Variants in PPP2R2B observed in about 807,000 individuals in gnomAD.
PPP2R2B encodes serine/threonine-protein phosphatase 2A 55 kDa regulatory subunit B beta isoform.
In PPP2R2B, 5 loss-of-function variants were observed where a neutral mutation model predicts 46.0. The observed-to-expected ratio is 0.11, with a 90% CI of 0.06 to 0.23. The LOEUF (loss-of-function observed/expected upper bound fraction) is 0.23, where lower values mean the gene tolerates loss of function less well. Among genes scored for constraint, PPP2R2B ranks in the 10% least tolerant of loss-of-function variants. The pLI is 1.00. For missense variants in PPP2R2B, 367 were observed against 575.0 expected (o/e 0.64, Z 3.70); for synonymous variants, 215 against 206.7 (o/e 1.04, Z -0.34).
chr5:146,941,383 G>T (rs376304933), intron 1 of PPP2R2B, among the ~76,000 whole-genome samples: 3 of 152,264 alleles, frequency 2.0e-5, no homozygotes, highest in African/African-American at 7.2e-5. Context: ...TGAAAATTAT[G>T]ACAAACCGGC....
chr5:146,848,854 CT>C (rs1760168152), intron 2 of PPP2R2B, among the ~76,000 whole-genome samples: 1 of 148,682 alleles, frequency 6.7e-6, no homozygotes, highest in East Asian at 1.9e-4. Flanking sequence ...TTTTCTCCTC[CT>C]CTCCTATTTA....
At chr5:146,775,760 A>G (rs1755144416) in intron 2 of PPP2R2B, among the ~76,000 whole-genome samples, 1 of 152,170 alleles carries the variant, frequency 6.6e-6, no homozygotes. Flanking sequence ...AATCTGTCAT[A>G]GCTAATAAAA....
At chr5:146,672,804 C>T (rs1440412135) in intron 5 of PPP2R2B, among the ~76,000 whole-genome samples, 6 of 152,096 alleles carry the variant, frequency 3.9e-5, no homozygotes, top group South Asian at 2.1e-4. Flanking sequence ...CAACTCTCTC[C>T]GACGATTTAT....
rs568503746 is a variant in PPP2R2B, at chr5:146,761,938, T to C, written c.71-60796A>G. On this transcript the variant is annotated intron_variant, in intron 2 of 9. Coordinates refer to ENST00000394411, the MANE Select transcript of PPP2R2B (RefSeq NM_181675.4). ...AAACCGCATTGAGCTCTCTGCAGAGTGTATGTGGGAATGATGGCAGAGAAG... is the reference window on the plus strand; with the variant it reads ...AAACCGCATTGAGCTCTCTGCAGAGCGTATGTGGGAATGATGGCAGAGAAG... 2.3e-4 allele frequency among the ~76,000 whole-genome samples: 35 copies of C among 151,864 alleles called. No individual in the cohort carries two copies. The South Asian group carries it at 7.1e-3, about 31-fold the overall frequency.
intron 1 of PPP2R2B, among the ~76,000 whole-genome samples, chr5:147,039,452 CG>C (rs915661010): frequency 1.3e-5 from 2 of 152,038 alleles, no homozygotes; most frequent in Non-Finnish European, 2.9e-5. Flanking sequence ...AGATAGATCC[CG>C]GGGGGCTCTA....
chr5:146,968,323 T>C (rs1752527706), intron 1 of PPP2R2B, among the ~76,000 whole-genome samples: 1 of 152,200 alleles, frequency 6.6e-6, no homozygotes, highest in Non-Finnish European at 1.5e-5. Flanking sequence ...TATGTACTTG[T>C]AAATTGACAA....
intron 1 of PPP2R2B, among the ~76,000 whole-genome samples, chr5:146,956,857 T>G (rs1190598950): frequency 6.6e-6 from 1 of 152,154 alleles, no homozygotes; most frequent in Non-Finnish European, 1.5e-5. Context: ...CTTTACATGG[T>G]GGAAAGAGCA....
At chr5:146,628,726 A>G (rs1774224742) in intron 7 of PPP2R2B, among the ~76,000 whole-genome samples, 2 of 152,188 alleles carry the variant, frequency 1.3e-5, no homozygotes, top group South Asian at 4.1e-4. Context: ...TGTACTGGGA[A>G]CCTACTATGT....
In PPP2R2B at chr5:146,988,974, C is replaced by T. The variant is rs142528788; in HGVS notation, c.79+66691G>A. ...GATCATAAGAAACTACTATGAACAACTACACGTAAATAAATTGGTAAACCT... is the reference window on the plus strand; with the variant it reads ...GATCATAAGAAACTACTATGAACAATTACACGTAAATAAATTGGTAAACCT... On this transcript the variant is annotated intron_variant, in intron 1 of 8. Coordinates refer to the PPP2R2B transcript ENST00000336640. Among the ~76,000 whole-genome samples the T allele has an allele frequency of 2.0e-5, 3 of 152,022 alleles. No individual in the cohort carries two copies. In the East Asian group the frequency reaches 5.8e-4, roughly 29 times the overall value.
chr5:147,065,631 CA>C (rs893150963), intron 2 of PPP2R2B, among the ~76,000 whole-genome samples: 1 of 151,874 alleles, frequency 6.6e-6, no homozygotes, highest in Non-Finnish European at 1.5e-5. Context: ...AAGATAGTGG[CA>C]ATGGGGTTGG....
intron 2 of PPP2R2B, among the ~76,000 whole-genome samples, chr5:146,748,078 G>A (rs1582012869): frequency 6.6e-6 from 1 of 152,154 alleles, no homozygotes; most frequent in African/African-American, 2.4e-5. Context: ...AAGCTCTTAA[G>A]CATTGTAACT....
Position 146,932,821 on chromosome 5 carries a change from G to C in PPP2R2B, c.79+122844C>G, listed in dbSNP as rs148879527. On this transcript the variant is annotated intron_variant, in intron 1 of 8. Transcript: ENST00000336640. ...ACAAGGTCAAAGAGCAGTGAGAAAA[G>C]GAAAACTAACCACCTAGTATATGCA... 5.3e-3 allele frequency among the ~76,000 whole-genome samples: 802 copies of C among 152,208 alleles called. 1 individual carries two copies. Among genetic ancestry groups the C allele is most frequent in the Non-Finnish European group, 8.5e-3 (577 of 68,012 alleles).
intron 1 of PPP2R2B, among the ~76,000 whole-genome samples, chr5:146,933,031 G>A (rs966074205): frequency 6.6e-6 from 1 of 152,132 alleles, no homozygotes; most frequent in African/African-American, 2.4e-5. Context: ...AAATATTCAC[G>A]TGGGAATTAT....
rs1770420169 is a variant in PPP2R2B at position 146,589,835 on chromosome 5, T to TCCTGTATAGGGAAATTAA, written c.*94_*111dup. 1 of 1,117,312 alleles carries TCCTGTATAGGGAAATTAA rather than the reference T, an allele frequency of 9.0e-7. No individual in the cohort carries two copies. The highest frequency in any genetic ancestry group is 1.6e-5 in the African/African-American group (1 of 64,142). 69.2% of individuals were successfully genotyped at this position (1,117,312 alleles called of 1,614,324 possible). On this transcript the variant is annotated 3_prime_UTR_variant, in exon 10 of 10. Transcript: ENST00000394411. The stretch of plus-strand genomic sequence containing the variant: ...TCCTTTTAATTCTATTCCAATCATT[T>TCCTGTATAGGGAAATTAA]CCTGTATAGGGAAATTAAAGTCAAT...
chr5:146,697,951 G>GA (rs1251429963), intron 4 of PPP2R2B, 28 bp downstream of exon 4: 2 of 1,593,166 alleles, frequency 1.3e-6, no homozygotes, highest in African/African-American at 2.7e-5. Context: ...CTGTATCTCT[G>GA]AAAATACCAA....
chr5:146,975,330 A>C (rs1011936799), intron 1 of PPP2R2B, among the ~76,000 whole-genome samples: 4 of 152,218 alleles, frequency 2.6e-5, no homozygotes, highest in Admixed American at 6.5e-5. Flanking sequence ...AGCATGAGTA[A>C]GAATTTCCTT....
At chr5:146,839,000 C>G (rs1037575956) in intron 2 of PPP2R2B, among the ~76,000 whole-genome samples, 5 of 152,198 alleles carry the variant, frequency 3.3e-5, no homozygotes, top group African/African-American at 9.6e-5. Context: ...CCCTGCCACT[C>G]TTTGATAGGC....
At chr5:146,661,100 G>A (rs1256970482) in intron 5 of PPP2R2B, among the ~76,000 whole-genome samples, 1 of 152,192 alleles carries the variant, frequency 6.6e-6, no homozygotes, top group East Asian at 1.9e-4. Flanking sequence ...CTCTAAATCA[G>A]TGTTTCTCAA....
chr5:146,647,551 G>A (rs182152412), intron 6 of PPP2R2B, among the ~76,000 whole-genome samples: 40 of 152,246 alleles, frequency 2.6e-4, no homozygotes, highest in African/African-American at 9.1e-4. Context: ...TGAATGGCAC[G>A]GTCTCATTTG....
Sources: allele counts gnomAD v4.1 joint callset (sites outside exome capture counted in the v4.1 genomes callset), GRCh38; gene constraint gnomAD v4.1.1; transcripts MANE v1.5; gene names NCBI Gene and HGNC (gene_info 2026-07-23, HGNC 2026-07-21).